KCNH7: variants seen among roughly 807,000 people sequenced by gnomAD.
KCNH7 encodes the protein potassium voltage-gated channel subfamily H member 7, also known as voltage-gated inwardly rectifying potassium channel KCNH7.
KCNH7 carries 49 observed loss-of-function variants against 120.8 expected under a neutral mutation model. That is an observed-to-expected ratio of 0.41 (90% CI 0.32 to 0.51). The LOEUF (loss-of-function observed/expected upper bound fraction) is 0.51, where lower values mean the gene tolerates loss of function less well. Ranked by LOEUF, KCNH7 falls within the 20% of genes least tolerant of loss-of-function variation. The pLI, the probability that KCNH7 is intolerant of heterozygous loss-of-function variation, is 0.38. For synonymous variants in KCNH7, 547 were observed against 516.1 expected (o/e 1.06, Z -0.81); for missense variants, 1,097 against 1,446.6 (o/e 0.76, Z 3.92).
chr2:162,539,981 A>G (rs927509817), intron 2 of KCNH7, among the ~76,000 whole-genome samples: 1 of 152,220 alleles, frequency 6.6e-6, no homozygotes, highest in Admixed American at 6.5e-5. Context: ...TGGTCAAGTG[A>G]CATTGCCCTA....
intron 6 of KCNH7, among the ~76,000 whole-genome samples, chr2:162,485,731 C>A (rs570744584): frequency 2.6e-5 from 4 of 152,008 alleles, no homozygotes; most frequent in Non-Finnish European, 5.9e-5. Context: ...AATTTAAGGG[C>A]CTGAAATCAT....
intron 7 of KCNH7, among the ~76,000 whole-genome samples, chr2:162,437,915 C>T (rs1302879144): frequency 6.6e-6 from 1 of 152,120 alleles, no homozygotes; most frequent in Admixed American, 6.6e-5. Context: ...CTTCATGAGG[C>T]ACACTGACTG....
chr2:162,403,422 G>A (rs1687119784), intron 9 of KCNH7, among the ~76,000 whole-genome samples: 1 of 151,966 alleles, frequency 6.6e-6, no homozygotes, highest in East Asian at 1.9e-4. Context: ...GTCACTGTGA[G>A]TAGCCCTAAA....
At chr2:162,767,639 C>G (rs775645495) in intron 2 of KCNH7, among the ~76,000 whole-genome samples, 41 of 152,022 alleles carry the variant, frequency 2.7e-4, no homozygotes, top group Admixed American at 5.9e-4. Context: ...ACCTTTTCCC[C>G]ACAGATACAG....
At chr2:162,826,099 A>G (rs1377623670) in intron 2 of KCNH7, among the ~76,000 whole-genome samples, 1 of 152,116 alleles carries the variant, frequency 6.6e-6, no homozygotes, top group Non-Finnish European at 1.5e-5. Context: ...TTCTGATATC[A>G]TACAGGCCTT....
At chr2:162,741,220 AT>A (rs2105410284) in intron 2 of KCNH7, among the ~76,000 whole-genome samples, 1 of 137,422 alleles carries the variant, frequency 7.3e-6, no homozygotes, top group East Asian at 2.4e-4. Flanking sequence ...ATAACATGTT[AT>A]TAGTTATACA....
chr2:162,637,073 T>G (rs1349033451), intron 2 of KCNH7, among the ~76,000 whole-genome samples: 1 of 152,120 alleles, frequency 6.6e-6, no homozygotes, highest in African/African-American at 2.4e-5. Context: ...TCTTTACTCC[T>G]CACAATCCCC....
At chr2:162,437,206 C>A (rs1482993130) in intron 7 of KCNH7, among the ~76,000 whole-genome samples, 1 of 152,160 alleles carries the variant, frequency 6.6e-6, no homozygotes, top group Non-Finnish European at 1.5e-5. Context: ...ATCCCTTAGT[C>A]TCCCCTGAAT....
intron 2 of KCNH7, among the ~76,000 whole-genome samples, chr2:162,590,563 A>G (rs1270493121): frequency 6.6e-6 from 1 of 152,098 alleles, no homozygotes; most frequent in Non-Finnish European, 1.5e-5. Context: ...AATAAATGAA[A>G]AGCCATATTC....
At chr2:162,386,573 A>C (rs1442002309) in intron 12 of KCNH7, among the ~76,000 whole-genome samples, 1 of 151,802 alleles carries the variant, frequency 6.6e-6, no homozygotes, top group Non-Finnish European at 1.5e-5. Context: ...GAGATATTTG[A>C]ATCAGCTCAG....
chr2:162,783,211 C>T lies in KCNH7; in HGVS notation c.307+53326G>A, dbSNP rs61187484. 5.8e-3 allele frequency among the ~76,000 whole-genome samples: 883 copies of T among 152,234 alleles called. 23 individuals carry two copies. Among genetic ancestry groups the T allele is most frequent in the East Asian group, 0.043 (221 of 5,160 alleles). On this transcript the variant is annotated intron_variant, in intron 2 of 15. Coordinates refer to ENST00000332142, the MANE Select transcript of KCNH7 (RefSeq NM_033272.4). ...TGGATCTGCTTGGTTTCTTAGACTG[C>T]TTTTCTGACAATCCAACTATGATAA... is the stretch of plus-strand genomic sequence containing the variant.
At chr2:162,466,479 T>A (rs1208015189) in intron 6 of KCNH7, among the ~76,000 whole-genome samples, 2 of 152,144 alleles carry the variant, frequency 1.3e-5, no homozygotes, top group African/African-American at 4.8e-5. Flanking sequence ...TCATGAGAAC[T>A]CACCCACTAT....
chr2:162,528,434 T>TTAAG (rs1691790153), intron 3 of KCNH7: 1 of 151,860 alleles, frequency 6.6e-6, no homozygotes, highest in South Asian at 2.1e-4. Flanking sequence ...TGTGGGTGAG[T>TTAAG]TAAGAATGCT....
chr2:162,505,919 C>T, intron 5 of KCNH7, among the ~76,000 whole-genome samples: 2 of 151,882 alleles, frequency 1.3e-5, no homozygotes, highest in Middle Eastern at 6.8e-3. Context: ...AATCAATCAA[C>T]TTGGGTCAGA....
intron 2 of KCNH7, among the ~76,000 whole-genome samples, chr2:162,776,964 C>T (rs1164179932): frequency 6.6e-6 from 1 of 152,142 alleles, no homozygotes; most frequent in Non-Finnish European, 1.5e-5. Context: ...CTTCTTCACT[C>T]TTTCCCTGTT....
At chr2:162,678,388 G>C (rs1685598485) in intron 2 of KCNH7, among the ~76,000 whole-genome samples, 2 of 151,436 alleles carry the variant, frequency 1.3e-5, no homozygotes, top group African/African-American at 4.8e-5. Context: ...GAACTAGATG[G>C]AGCTCAAAAT....
At chr2:162,465,289 T>C (rs953103813) in intron 6 of KCNH7, among the ~76,000 whole-genome samples, 1 of 152,182 alleles carries the variant, frequency 6.6e-6, no homozygotes, top group Non-Finnish European at 1.5e-5. Context: ...GAGATTCCAA[T>C]TGTTACTGCA....
At chr2:162,729,162 ATTTT>A (rs1412794660) in intron 2 of KCNH7, among the ~76,000 whole-genome samples, 1 of 119,880 alleles carries the variant, frequency 8.3e-6, no homozygotes, top group Non-Finnish European at 1.7e-5. Flanking sequence ...ATATACCCAA[ATTTT>A]TTTTTTTTTT....
At chr2:162,703,472 A>G (rs1274318766) in intron 2 of KCNH7, among the ~76,000 whole-genome samples, 1 of 152,158 alleles carries the variant, frequency 6.6e-6, no homozygotes, top group African/African-American at 2.4e-5. Flanking sequence ...TTTAGATAAT[A>G]AAACCAGCAG....
Sources: gnomAD v4.1 joint callset for allele counts (sites outside exome capture counted in the v4.1 genomes callset) on GRCh38, gnomAD v4.1.1 for gene constraint, MANE v1.5 for transcripts, NCBI Gene and HGNC (gene_info 2026-07-23, HGNC 2026-07-21) for gene names.